The following CSMD1 variants were observed in gnomAD, a reference collection of about 807,000 sequenced individuals.
CSMD1 encodes CUB and Sushi multiple domains 1, also known as CUB and sushi domain-containing protein 1.
A neutral mutation model predicts 417.5 loss-of-function variants in CSMD1; 213 were observed. The ratio of observed to expected loss-of-function variants is 0.51; its 90% CI spans 0.46 to 0.57. The LOEUF is 0.57. Ranked by LOEUF, CSMD1 falls within the 20% of genes least tolerant of loss-of-function variation. CSMD1 has a pLI of 0.00. For missense variants in CSMD1, 6,923 were observed against 4,529.7 expected (o/e 1.53, Z -15.17); for synonymous variants, 2,862 against 1,736.8 (o/e 1.65, Z -16.11).
At chr8:3,467,871 T>C (rs551720506) in intron 12 of CSMD1, among the ~76,000 whole-genome samples, 2 of 152,350 alleles carry the variant, frequency 1.3e-5, no homozygotes, top group Admixed American at 6.5e-5. Flanking sequence ...ACTATTCCTA[T>C]GGTATACACT....
chr8:3,317,940 A>C (rs1176870299), intron 23 of CSMD1, among the ~76,000 whole-genome samples: 1 of 152,154 alleles, frequency 6.6e-6, no homozygotes, highest in Non-Finnish European at 1.5e-5. Flanking sequence ...CCTATTGAGT[A>C]GCTGGGACCA....
intron 7 of CSMD1, among the ~76,000 whole-genome samples, chr8:3,635,743 G>A (rs1180636008): frequency 3.0e-5 from 4 of 134,624 alleles, no homozygotes; most frequent in African/African-American, 1.2e-4. Context: ...TCGGCCTCCC[G>A]AAGTGCTGGG....
chr8:3,781,551 T>C (rs1229712867), intron 5 of CSMD1, among the ~76,000 whole-genome samples: 2 of 152,176 alleles, frequency 1.3e-5, no homozygotes, highest in Admixed American at 1.3e-4. Context: ...GCTTACACAC[T>C]GCTACTCGCT....
intron 3 of CSMD1, among the ~76,000 whole-genome samples, chr8:4,063,194 T>C (rs1343436831): frequency 6.6e-6 from 1 of 152,158 alleles, no homozygotes; most frequent in African/African-American, 2.4e-5. Context: ...ATCATAATTA[T>C]CCTGATTTGA....
intron 3 of CSMD1, among the ~76,000 whole-genome samples, chr8:4,051,994 C>A (rs190206877): frequency 1.3e-5 from 2 of 151,798 alleles, no homozygotes; most frequent in East Asian, 1.9e-4. Context: ...AGTGTTATCT[C>A]GGCTCACTGC....
At chr8:3,659,153 G>A (rs955744093) in intron 7 of CSMD1, among the ~76,000 whole-genome samples, 1 of 152,074 alleles carries the variant, frequency 6.6e-6, no homozygotes, top group African/African-American at 2.4e-5. Flanking sequence ...GTAACTTGTT[G>A]CAGATTCATG....
chr8:4,214,048 A>C (rs760401070), intron 3 of CSMD1, among the ~76,000 whole-genome samples: 24 of 152,210 alleles, frequency 1.6e-4, no homozygotes, highest in South Asian at 4.1e-4. Flanking sequence ...GGAAAATGCA[A>C]AATGATCAAT....
At chr8:4,793,179 A>G (rs1396359467) in intron 1 of CSMD1, among the ~76,000 whole-genome samples, 2 of 152,148 alleles carry the variant, frequency 1.3e-5, no homozygotes, top group African/African-American at 4.8e-5. Flanking sequence ...TTGATCATGG[A>G]GTAATTATGA....
intron 3 of CSMD1, among the ~76,000 whole-genome samples, chr8:4,233,545 C>T (rs1384198332): frequency 6.6e-6 from 1 of 152,134 alleles, no homozygotes; most frequent in Admixed American, 6.5e-5. Flanking sequence ...TCTCTCACAC[C>T]TTCCACTGTC....
intron 2 of CSMD1, among the ~76,000 whole-genome samples, chr8:4,551,684 A>T (rs553244305): frequency 8.6e-5 from 13 of 151,806 alleles, no homozygotes; most frequent in South Asian, 4.2e-4. Context: ...TTATTTATTT[A>T]TTTTTTGAGA....
intron 1 of CSMD1, among the ~76,000 whole-genome samples, chr8:4,692,343 C>T (rs1806821120): frequency 6.6e-6 from 1 of 152,120 alleles, no homozygotes; most frequent in Admixed American, 6.5e-5. Flanking sequence ...GTATTAAAAA[C>T]AAAGTAAAAC....
chr8:4,686,600 C>A (rs555010769), intron 1 of CSMD1, among the ~76,000 whole-genome samples: 3 of 152,372 alleles, frequency 2.0e-5, no homozygotes, highest in African/African-American at 7.2e-5. Context: ...TCCAGTCTCA[C>A]GTCCCGACGT....
At chr8:4,521,772 T>C (rs1489737310) in intron 2 of CSMD1, among the ~76,000 whole-genome samples, 5 of 152,160 alleles carry the variant, frequency 3.3e-5, no homozygotes, top group Admixed American at 6.5e-5. Context: ...AGCTCTTCAC[T>C]GGATACTTAA....
intron 5 of CSMD1, among the ~76,000 whole-genome samples, chr8:3,754,791 G>A (rs775325049): frequency 5.9e-5 from 9 of 152,100 alleles, no homozygotes; most frequent in African/African-American, 1.4e-4. Context: ...TGAAGTAGAC[G>A]CCAACAAACT....
At chr8:3,957,127 G>T (rs2688337) in intron 5 of CSMD1, among the ~76,000 whole-genome samples, 68,844 of 151,540 alleles carry the variant, frequency 0.45, 16,407 homozygotes, top group East Asian at 0.73. Flanking sequence ...TGCTCCTAAT[G>T]CCCTGCCTCT....
chr8:4,201,154 G>C (rs889521125), intron 3 of CSMD1, among the ~76,000 whole-genome samples: 2 of 152,156 alleles, frequency 1.3e-5, no homozygotes, highest in African/African-American at 4.8e-5. Flanking sequence ...GAATTAAAAT[G>C]ACTACTGTAA....
At chr8:3,339,032 G>A (rs1262609571) in intron 23 of CSMD1, among the ~76,000 whole-genome samples, 2 of 127,800 alleles carry the variant, frequency 1.6e-5, no homozygotes, top group East Asian at 2.3e-4. Flanking sequence ...TCCCCTTCCT[G>A]TGTCCATGTG....
At chr8:4,178,870 G>T (rs1299381164) in intron 3 of CSMD1, among the ~76,000 whole-genome samples, 1 of 152,132 alleles carries the variant, frequency 6.6e-6, no homozygotes, top group Admixed American at 6.5e-5. Context: ...CAACTTACAA[G>T]GGATGAGAAG....
At chr8:4,026,288 C>A (rs967144415) in intron 4 of CSMD1, among the ~76,000 whole-genome samples, 1 of 152,140 alleles carries the variant, frequency 6.6e-6, no homozygotes, top group African/African-American at 2.4e-5. Flanking sequence ...TGAAGTCATA[C>A]TACACCAGAC....
Sources: allele counts gnomAD v4.1 joint callset (sites outside exome capture counted in the v4.1 genomes callset), GRCh38; gene constraint gnomAD v4.1.1; transcripts MANE v1.5; gene names NCBI Gene and HGNC (gene_info 2026-07-23, HGNC 2026-07-21).